The following TMEM116 variants were observed in gnomAD, a reference collection of about 807,000 sequenced individuals.
The protein encoded by TMEM116 is transmembrane protein 116.
Under a neutral mutation model 44.3 loss-of-function variants are expected in TMEM116, and 38 were observed. That is an observed-to-expected ratio of 0.86 (90% CI 0.66 to 1.12). The LOEUF (loss-of-function observed/expected upper bound fraction) is 1.12. Among genes scored for constraint, TMEM116 ranks in the 50% most tolerant of loss-of-function variants. TMEM116 has a pLI of 0.00. For missense variants in TMEM116, 354 were observed against 401.7 expected, an observed-to-expected ratio of 0.88 and a Z score of 1.01; for synonymous variants, 132 against 144.8, an observed-to-expected ratio of 0.91 and a Z score of 0.64.
intron 3 of TMEM116, among the ~76,000 whole-genome samples, chr12:111,995,993 T>C (rs1038072456): frequency 2.0e-5 from 3 of 149,350 alleles, no homozygotes; most frequent in East Asian, 2.0e-4. Flanking sequence ...TGAGCCATGA[T>C]TGCATCACTG....
In TMEM116 at chr12:111,934,169, G is replaced by A; in HGVS notation, c.589-139C>T. 2.9e-6 allele frequency: 3 copies of A among 1,035,234 alleles called. No individual in the cohort carries two copies. The South Asian group carries it at 5.7e-5, about 20-fold the overall frequency. The allele number at this position is 1,035,234 out of a possible 1,614,324, so 64.1% of individuals were successfully genotyped here. Reference sequence around the variant, plus strand: ...CCCCATTCTCTTGTCTTTACTTTCTGAGATCAGGCTTTTTTTTAAGAGAAA... The same window carrying A: ...CCCCATTCTCTTGTCTTTACTTTCTAAGATCAGGCTTTTTTTTAAGAGAAA... On this transcript the variant is annotated intron_variant, in intron 8 of 10. Coordinates refer to ENST00000552374, the MANE Select transcript of TMEM116 (RefSeq NM_001193531.2).
In TMEM116 at chr12:111,991,774, A is replaced by C; in HGVS notation, c.194T>G (p.Leu65Arg). 1 of 1,535,140 alleles carries C rather than the reference A, an allele frequency of 6.5e-7. No individual in the cohort carries two copies. Among genetic ancestry groups the C allele is most frequent in the African/African-American group, 1.4e-5 (1 of 73,110 alleles). Residue 65 changes from leucine (L) to arginine (R), a missense_variant, in exon 4 of 11, where the codon CTA (leucine) becomes CGA (arginine). Physicochemically the swap from Leu to Arg is moderately radical, Grantham distance 102. Transcript: ENST00000552374. Reference sequence around the variant, plus strand: ...AGCACTCACCTGTCCAACTGCTTGTAGGTTATAGCAGATGATGTCCTTATT... The same window carrying C: ...AGCACTCACCTGTCCAACTGCTTGTCGGTTATAGCAGATGATGTCCTTATT... Reference protein sequence around the residue: ...VANKDIICYNLQAVGQIFYIS... With the variant: ...VANKDIICYNRQAVGQIFYIS...
At chr12:111,957,723 G>A (rs1435522465) in intron 4 of TMEM116, among the ~76,000 whole-genome samples, 7 of 151,770 alleles carry the variant, frequency 4.6e-5, no homozygotes, top group Non-Finnish European at 8.8e-5. Context: ...TGGCAGCCCC[G>A]TCTGGGAAGG....
At chr12:111,963,750 G>C (rs565652978) in intron 4 of TMEM116, among the ~76,000 whole-genome samples, 19 of 152,164 alleles carry the variant, frequency 1.2e-4, no homozygotes, top group Admixed American at 3.3e-4. Context: ...AACCACCATG[G>C]CACATGTATA....
chr12:111,972,457 TAAAC>T (rs1244508112), intron 4 of TMEM116, among the ~76,000 whole-genome samples: 1 of 152,212 alleles, frequency 6.6e-6, no homozygotes, highest in Non-Finnish European at 1.5e-5. Flanking sequence ...TTAGTAAACT[TAAAC>T]AATACTATCA....
chr12:112,008,358 G>A (rs1488962817), intron 1 of TMEM116, among the ~76,000 whole-genome samples: 3 of 152,028 alleles, frequency 2.0e-5, no homozygotes, highest in Non-Finnish European at 4.4e-5. Flanking sequence ...GCGGGCGCCT[G>A]TAATCCCAGC....
intron 3 of TMEM116, among the ~76,000 whole-genome samples, chr12:111,995,506 G>A (rs2076884021): frequency 6.6e-6 from 1 of 152,184 alleles, no homozygotes; most frequent in African/African-American, 2.4e-5. Context: ...CACTTTGGGA[G>A]GTGGGCAGAT....
At chr12:111,985,573 T>C (rs894384954) in intron 4 of TMEM116, among the ~76,000 whole-genome samples, 1 of 152,168 alleles carries the variant, frequency 6.6e-6, no homozygotes, top group Non-Finnish European at 1.5e-5. Context: ...TGTTCATGGA[T>C]TGGAAGACTT....
chr12:111,984,220 C>A (rs946294097), intron 4 of TMEM116, among the ~76,000 whole-genome samples: 1 of 152,002 alleles, frequency 6.6e-6, no homozygotes, highest in Non-Finnish European at 1.5e-5. Context: ...CATATACACA[C>A]TGGAGTACTA....
chr12:111,993,232 C>T (rs746446296), intron 3 of TMEM116: 18 of 427,670 alleles, frequency 4.2e-5, no homozygotes, highest in Non-Finnish European at 7.1e-5. Flanking sequence ...ACACACACTG[C>T]GGTCATTCCC....
At chr12:111,993,818 C>T (rs1375880872) in intron 3 of TMEM116, 2 of 745,506 alleles carry the variant, frequency 2.7e-6, no homozygotes, top group Non-Finnish European at 5.1e-6. Flanking sequence ...GCAATTGTTT[C>T]TCACCCTGAT....
intron 1 of TMEM116, among the ~76,000 whole-genome samples, chr12:112,007,918 G>A (rs1201465653): frequency 6.6e-6 from 1 of 152,182 alleles, no homozygotes; most frequent in East Asian, 1.9e-4. Context: ...TCAGCACTTT[G>A]TCCCTTTGAA....
intron 4 of TMEM116, among the ~76,000 whole-genome samples, chr12:111,990,535 G>A (rs1466207529): frequency 2.0e-5 from 3 of 152,100 alleles, no homozygotes; most frequent in African/African-American, 2.4e-5. Flanking sequence ...ATATGAGATC[G>A]GTAACATTAG....
At chr12:111,971,693 A>G (rs1022506725) in intron 4 of TMEM116, among the ~76,000 whole-genome samples, 3 of 152,206 alleles carry the variant, frequency 2.0e-5, no homozygotes, top group African/African-American at 7.2e-5. Flanking sequence ...AATGTAAGGT[A>G]TTAAAGATTG....
intron 5 of TMEM116, among the ~76,000 whole-genome samples, chr12:111,941,679 T>C (rs921328862): frequency 7.2e-5 from 11 of 152,196 alleles, no homozygotes; most frequent in African/African-American, 2.7e-4. Flanking sequence ...GGATACTGCT[T>C]AAGGGCCTCT....
At chr12:111,946,615 G>A (rs550023100) in intron 4 of TMEM116, among the ~76,000 whole-genome samples, 7 of 152,296 alleles carry the variant, frequency 4.6e-5, no homozygotes, top group South Asian at 2.1e-4. Flanking sequence ...CAGCGTGGGC[G>A]TCATGGCCAT....
At chr12:111,950,336 T>G (rs1268173601) in intron 4 of TMEM116, among the ~76,000 whole-genome samples, 1 of 151,948 alleles carries the variant, frequency 6.6e-6, no homozygotes, top group Non-Finnish European at 1.5e-5. Context: ...GGAATAAGAC[T>G]CCCCATCATA....
At chr12:111,952,901 G>A (rs1381021614) in intron 4 of TMEM116, among the ~76,000 whole-genome samples, 2 of 152,004 alleles carry the variant, frequency 1.3e-5, no homozygotes, top group East Asian at 1.9e-4. Flanking sequence ...TGTCCCTCTA[G>A]AGAACCCTAA....
At chr12:111,993,954 T>C in intron 3 of TMEM116, 1 of 625,236 alleles carries the variant, frequency 1.6e-6, no homozygotes, top group Non-Finnish European at 3.1e-6. Flanking sequence ...GTACTCTGAC[T>C]GCACTACAGT....
Sources: gnomAD v4.1 joint callset for allele counts (sites outside exome capture counted in the v4.1 genomes callset) on GRCh38, gnomAD v4.1.1 for gene constraint, MANE v1.5 for transcripts, NCBI Gene and HGNC (gene_info 2026-07-23, HGNC 2026-07-21) for gene names.